CNTN5: variants seen among roughly 807,000 people sequenced by gnomAD.
CNTN5 encodes the protein contactin-5.
Under a neutral mutation model 129.1 loss-of-function variants are expected in CNTN5, and 77 were observed. That is an observed-to-expected ratio of 0.60 (90% CI 0.50 to 0.72). The LOEUF is 0.72. CNTN5 is among the 30% of genes least tolerant of loss of function. The pLI is 0.00. For synonymous variants in CNTN5, 509 were observed against 465.6 expected (o/e 1.09, Z -1.20); for missense variants, 1,478 against 1,328.8 (o/e 1.11, Z -1.75).
intron 7 of CNTN5, among the ~76,000 whole-genome samples, chr11:99,924,264 A>C (rs909424867): frequency 2.6e-5 from 4 of 151,822 alleles, no homozygotes; most frequent in African/African-American, 9.7e-5. Context: ...TCCTTTGCTT[A>C]CTTTTTGGTT....
chr11:99,059,521 A>G (rs1864785614), intron 1 of CNTN5, among the ~76,000 whole-genome samples: 1 of 152,142 alleles, frequency 6.6e-6, no homozygotes, highest in Non-Finnish European at 1.5e-5. Flanking sequence ...CTGAATGAAC[A>G]ATAGGTTTTC....
At chr11:100,109,450 C>A (rs919274749) in intron 13 of CNTN5, among the ~76,000 whole-genome samples, 4 of 152,066 alleles carry the variant, frequency 2.6e-5, no homozygotes, top group African/African-American at 7.2e-5. Flanking sequence ...AAAACAAAAT[C>A]CCCCAAACAA....
In CNTN5 at chr11:99,944,893, A is replaced by G. The variant is rs143920522; in HGVS notation, c.674-11913A>G. Among the ~76,000 whole-genome samples the G allele has an allele frequency of 1.3e-3, 196 of 152,130 alleles. 1 individual carries two copies. Among genetic ancestry groups the G allele is most frequent in the African/African-American group, 4.6e-3 (193 of 41,544 alleles). ...AATAAATGGAAATAATGTGACTCTT[A>G]AAACCTTCTTTGAGGCAGTAGTACT... On this transcript the variant is annotated intron_variant, in intron 7 of 24. Coordinates refer to ENST00000524871, the MANE Select transcript of CNTN5 (RefSeq NM_014361.4).
intron 2 of CNTN5, among the ~76,000 whole-genome samples, chr11:99,502,946 G>T (rs7936374): frequency 0.27 from 40,608 of 151,904 alleles, 5,779 homozygotes; most frequent in East Asian, 0.43. Flanking sequence ...CATTCTGCAT[G>T]GCTAGAAAAT....
At chr11:99,448,416 A>G (rs12285736) in intron 2 of CNTN5, among the ~76,000 whole-genome samples, 2,979 of 152,304 alleles carry the variant, frequency 0.02, 96 homozygotes, top group African/African-American at 0.067. Context: ...CATATGCACT[A>G]TTAATCATTA....
At chr11:99,801,191 G>A (rs1369536007) in intron 3 of CNTN5, among the ~76,000 whole-genome samples, 3 of 152,168 alleles carry the variant, frequency 2.0e-5, no homozygotes, top group Non-Finnish European at 2.9e-5. Context: ...CATGTATGAA[G>A]TTCAGTTTGG....
intron 7 of CNTN5, among the ~76,000 whole-genome samples, chr11:99,941,087 C>A (rs972871506): frequency 2.0e-5 from 3 of 151,982 alleles, no homozygotes; most frequent in Admixed American, 6.6e-5. Flanking sequence ...ATTTTCTCTC[C>A]CACTTCCAAC....
chr11:99,948,185 G>A (rs552257165), intron 7 of CNTN5, among the ~76,000 whole-genome samples: 84 of 152,286 alleles, frequency 5.5e-4, no homozygotes, highest in African/African-American at 1.9e-3. Flanking sequence ...TTATCTGTGC[G>A]ACTTTTCATG....
rs1372217752 is a variant in CNTN5 at position 99,956,832 on chromosome 11, G to A, written c.700G>A (p.Glu234Lys). ...PEIIYSWVFN[E>K]FPSFVAEDSR... ...GATCATCTATAGCTGGGTATTTAATGAGTTCCCTTCCTTTGTGGCGGAAGA... is the reference window on the plus strand; with the variant it reads ...GATCATCTATAGCTGGGTATTTAATAAGTTCCCTTCCTTTGTGGCGGAAGA... Residue 234 changes from glutamate (E) to lysine (K), a missense_variant, in exon 8 of 25, where the codon GAG becomes AAG. Glu to Lys is a moderately conservative substitution (Grantham distance 56). Coordinates refer to ENST00000524871, the MANE Select transcript of CNTN5 (RefSeq NM_014361.4). 4 of 1,613,754 alleles carry A rather than the reference G, an allele frequency of 2.5e-6. 1 individual carries two copies. In the African/African-American group the frequency reaches 5.3e-5, roughly 22 times the overall value.
intron 3 of CNTN5, among the ~76,000 whole-genome samples, chr11:99,583,485 T>G (rs1949685785): frequency 6.6e-6 from 1 of 152,148 alleles, no homozygotes; most frequent in Non-Finnish European, 1.5e-5. Context: ...AGTTTGAGCT[T>G]CCCATCCGCT....
chr11:99,382,333 G>T (rs1591602491), intron 2 of CNTN5, among the ~76,000 whole-genome samples: 1 of 152,090 alleles, frequency 6.6e-6, no homozygotes, highest in South Asian at 2.1e-4. Flanking sequence ...AGTGAAATCT[G>T]CTGGACAGAA....
intron 1 of CNTN5, among the ~76,000 whole-genome samples, chr11:99,126,652 A>G (rs980059484): frequency 6.6e-6 from 1 of 152,180 alleles, no homozygotes; most frequent in Non-Finnish European, 1.5e-5. Context: ...ACTACATATC[A>G]AGGCAAACTG....
At chr11:99,638,682 G>C (rs568188311) in intron 3 of CNTN5, among the ~76,000 whole-genome samples, 1 of 152,126 alleles carries the variant, frequency 6.6e-6, no homozygotes, top group Non-Finnish European at 1.5e-5. Flanking sequence ...AATCCAGCAG[G>C]GCAGTCCAAT....
chr11:99,424,478 C>G (rs1456049104), intron 2 of CNTN5, among the ~76,000 whole-genome samples: 1 of 152,210 alleles, frequency 6.6e-6, no homozygotes, highest in Non-Finnish European at 1.5e-5. Flanking sequence ...TGTAAATGAT[C>G]ACTGGGTCTG....
At chr11:100,087,760 G>C (rs1024892704) in intron 13 of CNTN5, among the ~76,000 whole-genome samples, 2 of 151,712 alleles carry the variant, frequency 1.3e-5, no homozygotes, top group African/African-American at 4.8e-5. Context: ...GACTTAACTT[G>C]ACCAACTGGA....
At chr11:99,335,872 G>C (rs916680549) in intron 2 of CNTN5, among the ~76,000 whole-genome samples, 12 of 152,030 alleles carry the variant, frequency 7.9e-5, no homozygotes, top group Admixed American at 7.2e-4. Context: ...ATGAGTACAG[G>C]AACAGTCCTC....
At chr11:100,311,816 T>C (rs1951479459) in intron 21 of CNTN5, among the ~76,000 whole-genome samples, 1 of 152,024 alleles carries the variant, frequency 6.6e-6, no homozygotes, top group Non-Finnish European at 1.5e-5. Flanking sequence ...ATGCTGATAA[T>C]GAAGGCTTAA....
intron 3 of CNTN5, among the ~76,000 whole-genome samples, chr11:99,588,375 A>G (rs1259702910): frequency 2.0e-5 from 3 of 151,098 alleles, no homozygotes; most frequent in Non-Finnish European, 3.0e-5. Context: ...AAAGACCACC[A>G]TATACAATCA....
intron 7 of CNTN5, among the ~76,000 whole-genome samples, chr11:99,920,355 G>A (rs769122086): frequency 6.6e-6 from 1 of 152,004 alleles, no homozygotes; most frequent in Non-Finnish European, 1.5e-5. Flanking sequence ...CACTTTGTTA[G>A]TTTTCACCTG....
Sources: allele counts gnomAD v4.1 joint callset (sites outside exome capture counted in the v4.1 genomes callset), GRCh38; gene constraint gnomAD v4.1.1; transcripts MANE v1.5; gene names NCBI Gene and HGNC (gene_info 2026-07-23, HGNC 2026-07-21).